IPO11: variants seen among roughly 807,000 people sequenced by gnomAD.
The protein encoded by IPO11 is importin-11.
IPO11 carries 66 observed loss-of-function variants against 143.2 expected under a neutral mutation model. The observed-to-expected ratio is 0.46, with a 90% CI of 0.38 to 0.57. The LOEUF is 0.57. Among genes scored for constraint, IPO11 ranks in the 20% least tolerant of loss-of-function variants. The pLI is 0.00. For missense variants in IPO11, 1,026 were observed against 1,141.0 expected (o/e 0.90, Z 1.45); for synonymous variants, 385 against 377.8 (o/e 1.02, Z -0.22).
At position 62,468,873 on chromosome 5, in the gene IPO11, C is replaced by G. The variant is rs114535036; in HGVS notation, c.650-1377C>G. 9.1e-3 allele frequency among the ~76,000 whole-genome samples: 1,389 copies of G among 152,252 alleles called. 20 individuals carry two copies. The highest frequency in any genetic ancestry group is 0.032 in the African/African-American group (1,309 of 41,546). On this transcript the variant is annotated intron_variant, in intron 6 of 29. Coordinates refer to ENST00000325324, the MANE Select transcript of IPO11 (RefSeq NM_016338.5). ...TGAAATGAAGAAATACTCCAAACTA[C>G]AATTTTTGTTTTGTGTAATCTCTAT...
chr5:62,616,588 C>A (rs1036469676), intron 29 of IPO11, among the ~76,000 whole-genome samples: 1 of 151,752 alleles, frequency 6.6e-6, no homozygotes, highest in Non-Finnish European at 1.5e-5. Flanking sequence ...GGCACGGTGG[C>A]ATGCCCCTGT....
At chr5:62,435,110 G>A (rs62375039) in intron 1 of IPO11, among the ~76,000 whole-genome samples, 2,461 of 64,978 alleles carry the variant, frequency 0.038, 185 homozygotes, top group African/African-American at 0.096. Context: ...GTATATATAT[G>A]TATATATGTA....
At chr5:62,471,245 TG>T in intron 7 of IPO11, among the ~76,000 whole-genome samples, 1 of 151,890 alleles carries the variant, frequency 6.6e-6, no homozygotes, top group Non-Finnish European at 1.5e-5. Flanking sequence ...TAAGTCGCTT[TG>T]GGGGTTGCTC....
intron 5 of IPO11, among the ~76,000 whole-genome samples, chr5:62,465,361 A>C (rs1474170466): frequency 1.3e-5 from 2 of 152,244 alleles, no homozygotes; most frequent in Non-Finnish European, 2.9e-5. Flanking sequence ...GGACTTACTA[A>C]GAAAAATACG....
intron 5 of IPO11, among the ~76,000 whole-genome samples, chr5:62,457,087 G>A (rs1280261898): frequency 6.6e-6 from 1 of 151,998 alleles, no homozygotes; most frequent in Non-Finnish European, 1.5e-5. Context: ...CTCTGGGGTG[G>A]GGGGGAAAAT....
At chr5:62,542,363 G>A (rs1273231906) in intron 24 of IPO11, among the ~76,000 whole-genome samples, 1 of 151,962 alleles carries the variant, frequency 6.6e-6, no homozygotes, top group South Asian at 2.1e-4. Context: ...AATATTTTAG[G>A]ACAATAGTGC....
intron 16 of IPO11, among the ~76,000 whole-genome samples, chr5:62,497,651 T>C (rs748599293): frequency 6.6e-6 from 1 of 152,170 alleles, no homozygotes; most frequent in Non-Finnish European, 1.5e-5. Flanking sequence ...TGATTTTTTG[T>C]ATAGACGAGG....
intron 5 of IPO11, among the ~76,000 whole-genome samples, chr5:62,463,637 C>G (rs768332958): frequency 6.6e-6 from 1 of 151,048 alleles, no homozygotes; most frequent in African/African-American, 2.4e-5. Context: ...CGCCACTGCA[C>G]TCTAGCCTGG....
At chr5:62,545,784 G>A (rs1254147718) in intron 24 of IPO11, among the ~76,000 whole-genome samples, 1 of 152,126 alleles carries the variant, frequency 6.6e-6, no homozygotes, top group Non-Finnish European at 1.5e-5. Flanking sequence ...AAAAGTGGGT[G>A]AAGGATATGA....
intron 2 of IPO11, among the ~76,000 whole-genome samples, chr5:62,441,579 G>A (rs1270770342): frequency 1.5e-5 from 2 of 130,906 alleles, no homozygotes; most frequent in Non-Finnish European, 1.5e-5. Flanking sequence ...GCAGTGGTGC[G>A]ATCTCTGCTC....
chr5:62,620,136 G>C (rs1746292774), intron 29 of IPO11, among the ~76,000 whole-genome samples: 2 of 152,256 alleles, frequency 1.3e-5, no homozygotes, highest in Middle Eastern at 3.4e-3. Flanking sequence ...ATAGGCCTCA[G>C]GAGGTCCTGA....
intron 29 of IPO11, among the ~76,000 whole-genome samples, chr5:62,616,070 A>AGGGGGGGGGGGGGGGGGGGGG (rs67923113): frequency 9.4e-6 from 1 of 106,350 alleles, no homozygotes; most frequent in Non-Finnish European, 1.9e-5. Flanking sequence ...TGGGGGAGGA[A>AGGGGGGGGGGGGGGGGGGGGG]GGGGGGTGGC....
At chr5:62,456,059 C>T (rs1003119229) in intron 5 of IPO11, among the ~76,000 whole-genome samples, 18 of 151,918 alleles carry the variant, frequency 1.2e-4, no homozygotes, top group African/African-American at 3.9e-4. Context: ...GAAGGGGTCT[C>T]GCTTTGTTGC....
intron 5 of IPO11, among the ~76,000 whole-genome samples, chr5:62,456,177 A>G (rs1455090765): frequency 6.6e-6 from 1 of 151,986 alleles, no homozygotes; most frequent in Non-Finnish European, 1.5e-5. Flanking sequence ...ATGCCTGGCT[A>G]ATTTTTGTGT....
chr5:62,439,707 A>G (rs1393017760), intron 2 of IPO11, among the ~76,000 whole-genome samples: 1 of 151,128 alleles, frequency 6.6e-6, no homozygotes, highest in Non-Finnish European at 1.5e-5. Context: ...ATTACCTGTA[A>G]TTTTCTTCTT....
chr5:62,428,865 C>T (rs1173780518), intron 1 of IPO11, among the ~76,000 whole-genome samples: 1 of 151,974 alleles, frequency 6.6e-6, no homozygotes, highest in African/African-American at 2.4e-5. Flanking sequence ...TGAGGTCTCA[C>T]TATGCTTCCC....
intron 27 of IPO11, among the ~76,000 whole-genome samples, chr5:62,590,758 A>C (rs988722436): frequency 2.0e-5 from 3 of 152,134 alleles, no homozygotes; most frequent in Non-Finnish European, 4.4e-5. Flanking sequence ...TAATGTATAA[A>C]AATTTAAAAA....
intron 9 of IPO11, among the ~76,000 whole-genome samples, chr5:62,479,473 A>T: frequency 6.6e-6 from 1 of 152,242 alleles, no homozygotes; most frequent in Non-Finnish European, 1.5e-5. Flanking sequence ...TGGCTGGGTC[A>T]AATGGTATTT....
chr5:62,602,605 T>A (rs1451932295), intron 29 of IPO11, among the ~76,000 whole-genome samples: 1 of 152,138 alleles, frequency 6.6e-6, no homozygotes, highest in Non-Finnish European at 1.5e-5. Context: ...TCTGTAAGAG[T>A]TAGCTGTCAT....
Sources: allele counts gnomAD v4.1 joint callset (sites outside exome capture counted in the v4.1 genomes callset), GRCh38; gene constraint gnomAD v4.1.1; transcripts MANE v1.5; gene names NCBI Gene and HGNC (gene_info 2026-07-23, HGNC 2026-07-21).